The following ROBO1 variants were observed in gnomAD, a reference collection of about 807,000 sequenced individuals.
The protein encoded by ROBO1 is roundabout homolog 1.
A neutral mutation model predicts 195.9 loss-of-function variants in ROBO1; 149 were observed. That is an observed-to-expected ratio of 0.76 (90% confidence interval 0.67 to 0.87). ROBO1 has a LOEUF of 0.87. Among genes scored for constraint, ROBO1 ranks in the 40% least tolerant of loss-of-function variants. The pLI, the probability that ROBO1 is intolerant of heterozygous loss-of-function variation, is 0.00. For missense variants in ROBO1, 1,933 were observed against 2,068.3 expected (o/e 0.93, Z 1.27); for synonymous variants, 816 against 733.2 (o/e 1.11, Z -1.82).
intron 3 of ROBO1, among the ~76,000 whole-genome samples, chr3:78,994,106 T>C (rs1222847994): frequency 6.6e-6 from 1 of 152,200 alleles, no homozygotes; most frequent in Non-Finnish European, 1.5e-5. Context: ...TATCAGACTT[T>C]ATTTCTCATC....
At chr3:78,891,971 A>G (rs755912202) in intron 4 of ROBO1, among the ~76,000 whole-genome samples, 4 of 152,224 alleles carry the variant, frequency 2.6e-5, no homozygotes, top group Non-Finnish European at 4.4e-5. Flanking sequence ...AAATTTTGGA[A>G]TGATGGACAT....
At chr3:78,981,748 C>T (rs1559556381) in intron 3 of ROBO1, among the ~76,000 whole-genome samples, 2 of 151,358 alleles carry the variant, frequency 1.3e-5, no homozygotes, top group Admixed American at 1.3e-4. Context: ...GACTTCCCAG[C>T]CTTCTCTCAT....
intron 2 of ROBO1, among the ~76,000 whole-genome samples, chr3:79,174,609 G>A (rs1443427237): frequency 1.3e-5 from 2 of 151,986 alleles, no homozygotes; most frequent in Non-Finnish European, 2.9e-5. Flanking sequence ...ATAGGAACAC[G>A]TGGGTTCATT....
chr3:79,736,856 T>C (rs1025439448), intron 1 of ROBO1, among the ~76,000 whole-genome samples: 17 of 152,228 alleles, frequency 1.1e-4, no homozygotes, highest in African/African-American at 3.6e-4. Flanking sequence ...AAAATGTCCC[T>C]GAATCATTTA....
intron 22 of ROBO1, 94 bp downstream of exon 22, chr3:78,639,640 CGGGTCAAATT>C (rs1705801236): frequency 1.8e-6 from 2 of 1,135,578 alleles, no homozygotes; most frequent in African/African-American, 3.1e-5. Flanking sequence ...GGATAAAATA[CGGGTCAAATT>C]TTATCTTTCC....
In ROBO1 at chr3:79,051,096, T is replaced by C. The variant is rs556276222; in HGVS notation, c.172+74360A>G. On this transcript the variant is annotated intron_variant, in intron 3 of 30. Coordinates refer to ENST00000464233, the MANE Select transcript of ROBO1 (RefSeq NM_002941.4). ...AAGGAGATAGAGACACAAAAAACCC[T>C]TCAAAAAATCAATGAATCCAGGAAC... Among the ~76,000 whole-genome samples, 345 of 152,010 alleles carry C rather than the reference T, an allele frequency of 2.3e-3. 7 individuals carry two copies. The highest frequency in any genetic ancestry group is 0.022 in the Admixed American group (328 of 15,248).
intron 10 of ROBO1, among the ~76,000 whole-genome samples, chr3:78,679,187 G>C (rs1307253561): frequency 1.3e-5 from 2 of 151,760 alleles, no homozygotes; most frequent in African/African-American, 4.8e-5. Flanking sequence ...AAAATAATAA[G>C]AGCTATCTAT....
At chr3:79,248,298 A>G (rs2108901052) in intron 2 of ROBO1, among the ~76,000 whole-genome samples, 1 of 149,412 alleles carries the variant, frequency 6.7e-6, no homozygotes, top group Admixed American at 6.7e-5. Context: ...CAGACACACA[A>G]TGGAAAACCC....
chr3:79,426,448 G>T (rs959734960), intron 2 of ROBO1, among the ~76,000 whole-genome samples: 2 of 152,036 alleles, frequency 1.3e-5, no homozygotes, highest in Non-Finnish European at 2.9e-5. Flanking sequence ...TCAGCTCACT[G>T]CAATGTCCGC....
At chr3:79,766,418 A>T (rs1017456603) in intron 1 of ROBO1, among the ~76,000 whole-genome samples, 2 of 151,542 alleles carry the variant, frequency 1.3e-5, no homozygotes, top group African/African-American at 4.9e-5. Flanking sequence ...ATGTCTTAGC[A>T]TTCCGTCTCC....
At chr3:79,357,811 G>T (rs2035616150) in intron 2 of ROBO1, among the ~76,000 whole-genome samples, 1 of 152,122 alleles carries the variant, frequency 6.6e-6, no homozygotes, top group Admixed American at 6.6e-5. Context: ...TAGTTGTGGA[G>T]CCAGAGGTAT....
At chr3:79,020,746 C>T (rs1391658694) in intron 3 of ROBO1, among the ~76,000 whole-genome samples, 1 of 151,900 alleles carries the variant, frequency 6.6e-6, no homozygotes, top group Non-Finnish European at 1.5e-5. Context: ...ACCTAACATG[C>T]CGAATGCTGA....
At chr3:79,051,258 A>G (rs1012941332) in intron 3 of ROBO1, among the ~76,000 whole-genome samples, 3 of 152,212 alleles carry the variant, frequency 2.0e-5, no homozygotes, top group African/African-American at 7.2e-5. Context: ...TAAAACTGCC[A>G]TCAGAGAATA....
chr3:79,290,716 A>G (rs1256680291), intron 2 of ROBO1, among the ~76,000 whole-genome samples: 1 of 152,054 alleles, frequency 6.6e-6, no homozygotes, highest in East Asian at 1.9e-4. Context: ...AATTTTCTAT[A>G]TTCCTTGTTC....
intron 7 of ROBO1, among the ~76,000 whole-genome samples, chr3:78,715,773 T>C (rs1317418680): frequency 6.6e-6 from 1 of 152,162 alleles, no homozygotes; most frequent in Non-Finnish European, 1.5e-5. Context: ...TGACCTCAGG[T>C]GATCCGCCCT....
intron 8 of ROBO1, among the ~76,000 whole-genome samples, chr3:78,689,742 T>C (rs2081130647): frequency 6.6e-6 from 1 of 152,030 alleles, no homozygotes; most frequent in Admixed American, 6.6e-5. Flanking sequence ...GTTTGTCTAC[T>C]CCACTTTTTA....
chr3:79,125,711 A>G (rs1355346811), intron 2 of ROBO1, among the ~76,000 whole-genome samples, 172 bp from the exon 3 acceptor site: 1 of 152,128 alleles, frequency 6.6e-6, no homozygotes, highest in Non-Finnish European at 1.5e-5. Flanking sequence ...AAGCCCTGCG[A>G]AGGTCTCAGC....
chr3:79,023,946 G>A (rs1007642515), intron 3 of ROBO1, among the ~76,000 whole-genome samples: 1 of 150,446 alleles, frequency 6.6e-6, no homozygotes, highest in African/African-American at 2.5e-5. Context: ...TCCTGACCTC[G>A]TTATCTGCCC....
intron 1 of ROBO1, among the ~76,000 whole-genome samples, chr3:79,747,224 T>G (rs1703916847): frequency 6.6e-6 from 1 of 152,066 alleles, no homozygotes; most frequent in South Asian, 2.1e-4. Context: ...TCTTAGAGTG[T>G]GCTCAGTTCT....
Sources: gnomAD v4.1 joint callset for allele counts (sites outside exome capture counted in the v4.1 genomes callset) on GRCh38, gnomAD v4.1.1 for gene constraint, MANE v1.5 for transcripts, NCBI Gene and HGNC (gene_info 2026-07-23, HGNC 2026-07-21) for gene names.